CACNA2D3: variants seen among roughly 807,000 people sequenced by gnomAD.
CACNA2D3 encodes the protein calcium voltage-gated channel auxiliary subunit alpha2delta 3.
Under a neutral mutation model 160.6 loss-of-function variants are expected in CACNA2D3, and 60 were observed. The observed-to-expected ratio is 0.37, with a 90% confidence interval of 0.30 to 0.46. The LOEUF (loss-of-function observed/expected upper bound fraction) is 0.46, where lower values mean the gene tolerates loss of function less well. CACNA2D3 is among the 20% of genes least tolerant of loss of function. The pLI is 1.00. For missense variants in CACNA2D3, 1,205 were observed against 1,365.0 expected (o/e 0.88, Z 1.85); for synonymous variants, 558 against 492.9 (o/e 1.13, Z -1.75).
intron 10 of CACNA2D3, among the ~76,000 whole-genome samples, chr3:54,628,853 A>G (rs987183491): frequency 1.4e-5 from 2 of 146,024 alleles, no homozygotes; most frequent in African/African-American, 4.9e-5. Flanking sequence ...CACTGTGGCC[A>G]TTCAGATGGG....
intron 5 of CACNA2D3, among the ~76,000 whole-genome samples, chr3:54,529,648 C>A (rs554150847): frequency 6.6e-6 from 1 of 152,032 alleles, no homozygotes; most frequent in African/African-American, 2.4e-5. Context: ...GTGGACTGCT[C>A]GGAGGCTGGC....
intron 4 of CACNA2D3, among the ~76,000 whole-genome samples, chr3:54,499,624 A>T (rs1384100273): frequency 2.6e-5 from 4 of 152,070 alleles, no homozygotes; most frequent in Non-Finnish European, 5.9e-5. Context: ...TTTAATTTTT[A>T]AAAAAATTAT....
chr3:54,603,536 C>T lies in CACNA2D3; in HGVS notation c.963+21659C>T, dbSNP rs138081908. On this transcript the variant is annotated intron_variant, in intron 9 of 37. Coordinates refer to ENST00000474759, the MANE Select transcript of CACNA2D3 (RefSeq NM_018398.3). ...TTGAAGGCAGGATCTATCTTTCGTCCATGTCTTCACTGTTCCTGACCCGGG... is the reference window on the plus strand; with the variant it reads ...TTGAAGGCAGGATCTATCTTTCGTCTATGTCTTCACTGTTCCTGACCCGGG... Among the ~76,000 whole-genome samples the T allele has an allele frequency of 5.6e-3, 846 of 152,314 alleles. 13 individuals carry two copies. Among genetic ancestry groups the T allele is most frequent in the African/African-American group, 0.02 (824 of 41,564 alleles).
intron 2 of CACNA2D3, among the ~76,000 whole-genome samples, chr3:54,181,419 A>C (rs1483343656): frequency 6.6e-6 from 1 of 152,236 alleles, no homozygotes; most frequent in Non-Finnish European, 1.5e-5. Context: ...TAGAAAAGTT[A>C]GTAATAACCC....
Position 54,838,586 on chromosome 3 carries a change from C to T in CACNA2D3, c.1489C>T (p.Leu497=). ...TCGACAGAGATCGAAGGGCATTCTT[C>T]TGGGAGTGGTTGGCACAGATGTCCC... ...QNETRSKGIL[L]GVVGTDVPVK... The change falls in exon 16 of 38, where the codon CTG becomes TTG. Residue 497 remains leucine, a synonymous_variant. Coordinates refer to ENST00000474759, the MANE Select transcript of CACNA2D3 (RefSeq NM_018398.3). The T allele has an allele frequency of 1.9e-6, 3 of 1,613,444 alleles. No individual in the cohort carries two copies. Among genetic ancestry groups the T allele is most frequent in the Non-Finnish European group, 2.5e-6 (3 of 1,179,390 alleles).
chr3:54,386,833 C>G (rs376990233), intron 4 of CACNA2D3, 59 bp downstream of exon 4: 115 of 1,404,562 alleles, frequency 8.2e-5, no homozygotes, highest in Non-Finnish European at 1.1e-4. Flanking sequence ...AGGACAAGTA[C>G]CAGGTATACC....
chr3:54,473,022 G>GA (rs1348974181), intron 4 of CACNA2D3, among the ~76,000 whole-genome samples: 1 of 152,078 alleles, frequency 6.6e-6, no homozygotes, highest in Non-Finnish European at 1.5e-5. Context: ...CCTAGAATTA[G>GA]AAAAAACTAC....
At chr3:54,308,332 A>G (rs1000593920) in intron 2 of CACNA2D3, among the ~76,000 whole-genome samples, 1 of 152,100 alleles carries the variant, frequency 6.6e-6, no homozygotes, top group Non-Finnish European at 1.5e-5. Flanking sequence ...TGATTGGACT[A>G]TGTGTCTAAT....
At chr3:54,143,688 A>G (rs746686866) in intron 2 of CACNA2D3, among the ~76,000 whole-genome samples, 2 of 146,442 alleles carry the variant, frequency 1.4e-5, no homozygotes, top group Non-Finnish European at 3.0e-5. Context: ...TTTAGTAGAG[A>G]CGGGGTTTCA....
intron 11 of CACNA2D3, among the ~76,000 whole-genome samples, chr3:54,725,771 C>T (rs539626755): frequency 7.2e-5 from 11 of 152,142 alleles, no homozygotes; most frequent in South Asian, 2.1e-4. Context: ...CTCAAAATAA[C>T]GAGAGCTATT....
intron 6 of CACNA2D3, among the ~76,000 whole-genome samples, chr3:54,569,584 A>G (rs1368908288): frequency 3.3e-5 from 5 of 152,178 alleles, no homozygotes; most frequent in Non-Finnish European, 7.3e-5. Context: ...AGGCCTTTGG[A>G]GAAGCTGAGC....
intron 2 of CACNA2D3, among the ~76,000 whole-genome samples, chr3:54,234,075 A>C (rs1368142004): frequency 6.6e-6 from 1 of 152,206 alleles, no homozygotes; most frequent in African/African-American, 2.4e-5. Flanking sequence ...GAAAACAGAC[A>C]ACCTGCAGAA....
At chr3:55,041,142 C>T (rs1387144688) in intron 35 of CACNA2D3, among the ~76,000 whole-genome samples, 2 of 152,082 alleles carry the variant, frequency 1.3e-5, no homozygotes, top group African/African-American at 2.4e-5. Context: ...CATGGTACTC[C>T]ATTGTATAGA....
At chr3:54,441,547 A>G (rs940509058) in intron 4 of CACNA2D3, among the ~76,000 whole-genome samples, 28 of 152,320 alleles carry the variant, frequency 1.8e-4, no homozygotes, top group African/African-American at 4.6e-4. Flanking sequence ...TGTTTTAGAC[A>G]TGAAGTCCTT....
intron 14 of CACNA2D3, among the ~76,000 whole-genome samples, chr3:54,817,567 G>T (rs1703484768): frequency 6.6e-6 from 1 of 152,210 alleles, no homozygotes; most frequent in African/African-American, 2.4e-5. Flanking sequence ...CATTGTTCTT[G>T]TGTGTTTCAC....
intron 2 of CACNA2D3, among the ~76,000 whole-genome samples, chr3:54,268,360 A>G (rs532840921): frequency 6.6e-6 from 1 of 152,154 alleles, no homozygotes; most frequent in East Asian, 1.9e-4. Context: ...ACCCAATCTC[A>G]TTGTGCCTCA....
intron 2 of CACNA2D3, among the ~76,000 whole-genome samples, chr3:54,295,069 G>C (rs1266547757): frequency 2.6e-5 from 4 of 152,192 alleles, no homozygotes; most frequent in Non-Finnish European, 5.9e-5. Flanking sequence ...CTGTATGGAT[G>C]ATGAAGAAGG....
At chr3:55,011,307 C>G (rs1224182554) in intron 34 of CACNA2D3, among the ~76,000 whole-genome samples, 3 of 152,134 alleles carry the variant, frequency 2.0e-5, no homozygotes, top group Non-Finnish European at 4.4e-5. Context: ...GGACTGGGAC[C>G]CAATTTTGCT....
At chr3:54,651,168 G>A (rs997223211) in intron 11 of CACNA2D3, among the ~76,000 whole-genome samples, 2 of 152,074 alleles carry the variant, frequency 1.3e-5, no homozygotes, top group African/African-American at 4.8e-5. Flanking sequence ...CATTGTCATC[G>A]GGACAGTAAG....
Sources: gnomAD v4.1 joint callset for allele counts (sites outside exome capture counted in the v4.1 genomes callset) on GRCh38, gnomAD v4.1.1 for gene constraint, MANE v1.5 for transcripts, NCBI Gene and HGNC (gene_info 2026-07-23, HGNC 2026-07-21) for gene names.